Variants in MCTP1 observed in about 807,000 individuals in gnomAD.
MCTP1 encodes the protein multiple C2 and transmembrane domain containing 1.
Under a neutral mutation model 120.6 loss-of-function variants are expected in MCTP1, and 69 were observed. The observed-to-expected ratio is 0.57, with a 90% CI of 0.47 to 0.70. The LOEUF (loss-of-function observed/expected upper bound fraction) is 0.70. Ranked by LOEUF, MCTP1 falls within the 30% of genes least tolerant of loss-of-function variation. MCTP1 has a pLI of 0.00. For missense variants in MCTP1, 1,203 were observed against 1,248.8 expected (o/e 0.96, Z 0.55); for synonymous variants, 529 against 493.1 (o/e 1.07, Z -0.96).
chr5:95,284,535 G>A lies in MCTP1; in HGVS notation c.41C>T (p.Pro14Leu), dbSNP rs1342503319. Residue 14 changes from proline (P) to leucine (L), a missense_variant, in exon 1 of 23, where the codon CCG becomes CTG. By Grantham distance (98) the Pro-to-Leu change is moderately conservative. Around this residue, in one of 2 missense-constraint regions of MCTP1, gnomAD observed 463 missense variants for 377.8 expected, o/e 1.23. Coordinates refer to ENST00000515393, the MANE Select transcript of MCTP1 (RefSeq NM_024717.7). The surrounding 1 kb of genome is among the most constrained non-coding windows in gnomAD (Gnocchi z 5.2). ...GGCCTGGAAGGAGGAGGACGCCGCC[G>A]GCGGCTCTGGCTCGCCCGCCGCGGC... ...RAAAAGEPEP[P>L]AASSSFQARL... is the part of the protein sequence containing the mutation. 2 of 1,486,884 alleles carry A rather than the reference G, an allele frequency of 1.3e-6. No individual in the cohort carries two copies. The highest frequency in any genetic ancestry group is 1.5e-5 in the African/African-American group (1 of 68,274). 92.1% of individuals were successfully genotyped at this position (1,486,884 alleles called of 1,614,324 possible).
At chr5:95,131,904 TG>T (rs956077621) in intron 1 of MCTP1, among the ~76,000 whole-genome samples, 74 of 152,220 alleles carry the variant, frequency 4.9e-4, no homozygotes, top group African/African-American at 1.8e-3. Flanking sequence ...ATTGTCACCT[TG>T]GGGACTCTAG....
rs1474563304 is a variant in MCTP1, at chr5:94,926,372, T to TGG, written c.1213-2352_1213-2351insCC. Among the ~76,000 whole-genome samples the TGG allele has an allele frequency of 2.8e-3, 425 of 152,258 alleles. 3 individuals carry two copies. The highest frequency in any genetic ancestry group is 3.7e-3 in the South Asian group (18 of 4,824). ...CCTTTATCAATACAATTTTGGCCAC[T>TGG]TAAGAGATTAAAAAATAAATAAATA... On this transcript the variant is annotated intron_variant, in intron 6 of 22. Coordinates refer to ENST00000515393, the MANE Select transcript of MCTP1 (RefSeq NM_024717.7).
intron 1 of MCTP1, among the ~76,000 whole-genome samples, chr5:95,174,020 A>G (rs1305096925): frequency 6.6e-6 from 1 of 152,190 alleles, no homozygotes; most frequent in Non-Finnish European, 1.5e-5. Context: ...GGACTACAGG[A>G]AAAACAAGCT....
intron 17 of MCTP1, among the ~76,000 whole-genome samples, chr5:94,853,864 T>G (rs1794232895): frequency 6.6e-6 from 1 of 151,896 alleles, no homozygotes. Flanking sequence ...TATTCCCGCC[T>G]CTGGATAACA....
At chr5:94,908,571 T>C (rs1038201415) in intron 10 of MCTP1, among the ~76,000 whole-genome samples, 4 of 152,050 alleles carry the variant, frequency 2.6e-5, no homozygotes, top group African/African-American at 9.6e-5. Flanking sequence ...CCACACTTTA[T>C]TTCAATATTG....
rs766270926 is a variant in MCTP1, at chr5:95,284,249, G to A, written c.327C>T (p.Pro109=). 4 of 1,587,330 alleles carry A rather than the reference G, an allele frequency of 2.5e-6. No homozygotes were observed. The highest frequency in any genetic ancestry group is 3.4e-6 in the Non-Finnish European group (4 of 1,174,248). ...LCCSSPEPLE[P]GGAGRAEQGS... is the part of the protein sequence containing the mutation. ...CCTGCTCGGCTCTGCCGGCGCCGCC[G>A]GGCTCCAGGGGCTCCGGCGACGAGC... is the stretch of plus-strand genomic sequence containing the variant. Residue 109 remains proline, a synonymous_variant, in exon 1 of 23, where the codon CCC becomes CCT. Transcript: ENST00000515393. This position sits in a 1 kb window ranked among gnomAD's most constrained non-coding sequence, Gnocchi z 5.2.
At position 95,119,080 on chromosome 5, in the gene MCTP1, A is replaced by G. The variant is rs144686738; in HGVS notation, c.721-101596T>C. ...ACATTTTATCCAACAGCTGAAGAAT[A>G]CACATTCTTTTCCACAGCACATGGA... On this transcript the variant is annotated intron_variant, in intron 1 of 22. Transcript: ENST00000515393. Among the ~76,000 whole-genome samples the G allele has an allele frequency of 5.3e-3, 800 of 152,354 alleles. 3 individuals carry two copies. The highest frequency in any genetic ancestry group is 7.5e-3 in the Non-Finnish European group (511 of 68,024).
intron 1 of MCTP1, among the ~76,000 whole-genome samples, chr5:95,138,302 T>C (rs1323198251): frequency 1.3e-5 from 2 of 151,184 alleles, no homozygotes; most frequent in South Asian, 2.1e-4. Context: ...TGAGACTAGC[T>C]GCGCCACTTT....
chr5:95,055,868 C>A (rs1029583805), intron 1 of MCTP1, among the ~76,000 whole-genome samples: 6 of 152,080 alleles, frequency 3.9e-5, no homozygotes, highest in African/African-American at 1.4e-4. Context: ...TAAAACAATA[C>A]CTGGCTTATA....
At chr5:94,759,903 GAAA>G (rs10719332) in intron 19 of MCTP1, among the ~76,000 whole-genome samples, 116 of 78,898 alleles carry the variant, frequency 1.5e-3, no homozygotes, top group African/African-American at 5.2e-3. Flanking sequence ...TTTTCAAAGA[GAAA>G]AAAAAAAAAA....
chr5:94,760,760 C>T (rs1179405665), intron 19 of MCTP1, among the ~76,000 whole-genome samples: 1 of 151,924 alleles, frequency 6.6e-6, no homozygotes, highest in Non-Finnish European at 1.5e-5. Flanking sequence ...TCACAGCTCG[C>T]TGCAGCCTTG....
chr5:94,993,468 A>G (rs1014338717), intron 2 of MCTP1, among the ~76,000 whole-genome samples: 1 of 152,194 alleles, frequency 6.6e-6, no homozygotes, highest in African/African-American at 2.4e-5. Context: ...TAGAGCCATG[A>G]CTTTACATTT....
At chr5:94,744,053 C>T (rs191509442) in intron 19 of MCTP1, among the ~76,000 whole-genome samples, 2 of 152,148 alleles carry the variant, frequency 1.3e-5, no homozygotes, top group African/African-American at 4.8e-5. Context: ...TCACTGCAAC[C>T]TCTGCTTCCC....
At chr5:94,893,749 G>A (rs1803220304) in intron 11 of MCTP1, among the ~76,000 whole-genome samples, 1 of 152,138 alleles carries the variant, frequency 6.6e-6, no homozygotes, top group South Asian at 2.1e-4. Context: ...CAGCAAATAG[G>A]AATATTTTAA....
intron 19 of MCTP1, among the ~76,000 whole-genome samples, chr5:94,739,888 G>T (rs947422325): frequency 6.6e-6 from 1 of 152,116 alleles, no homozygotes; most frequent in African/African-American, 2.4e-5. Context: ...GGCTGATCTC[G>T]AACTCCTGAC....
rs35164631 is a variant in MCTP1 at position 95,069,445 on chromosome 5, AT to A, written c.721-51962del. 2.1e-3 allele frequency among the ~76,000 whole-genome samples: 305 copies of A among 146,602 alleles called. 1 individual carries two copies. The highest frequency in any genetic ancestry group is 5.4e-3 in the African/African-American group (215 of 39,692). ...TCAACCCAGCCTTTGGGAGCATAGC[AT>A]TTTTTTTTTTTTTCAGAATAACATA... On this transcript the variant is annotated intron_variant, in intron 1 of 22. Coordinates refer to ENST00000515393, the MANE Select transcript of MCTP1 (RefSeq NM_024717.7).
intron 1 of MCTP1, among the ~76,000 whole-genome samples, chr5:95,029,579 T>G (rs573330099): frequency 6.6e-6 from 1 of 152,040 alleles, no homozygotes; most frequent in Admixed American, 6.6e-5. Context: ...GAATCCGGCA[T>G]AGATTGACTC....
At chr5:94,905,799 GAA>G (rs1806723204) in intron 10 of MCTP1, among the ~76,000 whole-genome samples, 5 of 152,198 alleles carry the variant, frequency 3.3e-5, no homozygotes. Flanking sequence ...GGAATGCAGA[GAA>G]GAGTTATGGA....
At chr5:94,955,226 C>T (rs73136063) in intron 2 of MCTP1, among the ~76,000 whole-genome samples, 55 of 152,310 alleles carry the variant, frequency 3.6e-4, no homozygotes, top group Admixed American at 1.3e-3. Context: ...AGGGACAGTG[C>T]TCTCTGGCCC....
Sources: gnomAD v4.1 joint callset for allele counts (sites outside exome capture counted in the v4.1 genomes callset) on GRCh38, gnomAD v4.1.1 for gene constraint, gnomAD v4.1.1 regional missense constraint, Gnocchi (gnomAD v3.1) non-coding constraint, MANE v1.5 for transcripts, NCBI Gene and HGNC (gene_info 2026-07-23, HGNC 2026-07-21) for gene names.